The following PPARG variants were observed in gnomAD, a reference collection of about 807,000 sequenced individuals.
PPARG encodes peroxisome proliferator-activated receptor gamma.
Under a neutral mutation model 39.2 loss-of-function variants are expected in PPARG, and 17 were observed. The ratio of observed to expected loss-of-function variants is 0.43; its 90% confidence interval spans 0.30 to 0.65. The LOEUF is 0.65. PPARG is among the 30% of genes least tolerant of loss of function. The pLI, the probability that PPARG is intolerant of heterozygous loss-of-function variation, is 0.13. For missense variants in PPARG, 406 were observed against 585.9 expected (o/e 0.69, Z 3.17); for synonymous variants, 223 against 215.7 (o/e 1.03, Z -0.30).
At chr3:12,429,640 T>C (rs930775266) in intron 7 of PPARG, among the ~76,000 whole-genome samples, 3 of 150,500 alleles carry the variant, frequency 2.0e-5, no homozygotes, top group Non-Finnish European at 1.5e-5. Flanking sequence ...AGCAGAGGCC[T>C]AGCCCAGGCT....
At chr3:12,342,104 G>A (rs771046622) in intron 2 of PPARG, among the ~76,000 whole-genome samples, 101 of 152,318 alleles carry the variant, frequency 6.6e-4, no homozygotes, top group Non-Finnish European at 1.1e-3. Context: ...GCCTTCTGAT[G>A]TGATGGAATA....
Position 12,348,898 on chromosome 3 carries a change from G to A in PPARG, c.-8-30806G>A, listed in dbSNP as rs141939380. 6.6e-5 allele frequency among the ~76,000 whole-genome samples: 10 copies of A among 152,258 alleles called. No individual in the cohort carries two copies. In the East Asian group the frequency reaches 1.9e-3, roughly 29 times the overall value. ...AGCATGCTGTTTTATGTATCTTATTGTAATATCCTTCCAATCAGTATTATA... is the reference window on the plus strand; with the variant it reads ...AGCATGCTGTTTTATGTATCTTATTATAATATCCTTCCAATCAGTATTATA... On this transcript the variant is annotated intron_variant, in intron 2 of 7. Transcript: ENST00000651735.
chr3:12,368,373 G>A (rs1265915898), intron 2 of PPARG, among the ~76,000 whole-genome samples: 1 of 151,394 alleles, frequency 6.6e-6, no homozygotes, highest in Admixed American at 6.6e-5. Flanking sequence ...GTAGAGACAG[G>A]GTTTCACCAT....
At chr3:12,315,410 G>T (rs190557184) in intron 2 of PPARG, among the ~76,000 whole-genome samples, 1 of 152,170 alleles carries the variant, frequency 6.6e-6, no homozygotes, top group African/African-American at 2.4e-5. Flanking sequence ...ATTGTGCTGG[G>T]ACTGCACTGT....
intron 1 of PPARG, among the ~76,000 whole-genome samples, chr3:12,304,243 G>A (rs1021552743): frequency 1.4e-4 from 21 of 152,322 alleles, no homozygotes; most frequent in African/African-American, 4.1e-4. Flanking sequence ...GGTTGAATAA[G>A]ACCAGGCGTG....
chr3:12,332,166 A>G (rs1175785271), intron 2 of PPARG, among the ~76,000 whole-genome samples: 1 of 152,206 alleles, frequency 6.6e-6, no homozygotes, highest in East Asian at 1.9e-4. Flanking sequence ...AACTAAATTT[A>G]AATTTCTGCT....
intron 2 of PPARG, among the ~76,000 whole-genome samples, chr3:12,338,055 A>G (rs2048064949): frequency 6.6e-6 from 1 of 152,190 alleles, no homozygotes; most frequent in Admixed American, 6.5e-5. Flanking sequence ...AGTTAGCTAA[A>G]ACATTTCACT....
chr3:12,384,272 A>G (rs1286534310), intron 4 of PPARG, among the ~76,000 whole-genome samples: 1 of 152,186 alleles, frequency 6.6e-6, no homozygotes, highest in Non-Finnish European at 1.5e-5. Flanking sequence ...TGAATAAAAT[A>G]GCATTTATTG....
At chr3:12,415,806 G>C (rs141579087) in intron 6 of PPARG, among the ~76,000 whole-genome samples, 344 of 152,094 alleles carry the variant, frequency 2.3e-3, no homozygotes, top group Admixed American at 0.016. Context: ...TCTGCTTTCC[G>C]AGTGATTTTT....
chr3:12,409,410 T>C (rs2050794596), intron 6 of PPARG, among the ~76,000 whole-genome samples: 1 of 123,066 alleles, frequency 8.1e-6, no homozygotes, highest in African/African-American at 2.6e-5. Flanking sequence ...GAGAGGAATA[T>C]GGGAAAGGAA....
intron 4 of PPARG, among the ~76,000 whole-genome samples, chr3:12,388,423 A>C (rs1233685990): frequency 6.6e-6 from 1 of 152,200 alleles, no homozygotes; most frequent in Non-Finnish European, 1.5e-5. Context: ...AGTGGTGAGC[A>C]TTGCCCCAAA....
At chr3:12,314,615 C>T (rs1251034829) in intron 2 of PPARG, among the ~76,000 whole-genome samples, 1 of 152,082 alleles carries the variant, frequency 6.6e-6, no homozygotes, top group Non-Finnish European at 1.5e-5. Flanking sequence ...CTGACCCTCG[C>T]CGTTCAACAG....
chr3:12,343,865 T>G (rs868506648), intron 2 of PPARG, among the ~76,000 whole-genome samples: 47 of 143,998 alleles, frequency 3.3e-4, no homozygotes, highest in Non-Finnish European at 3.6e-4. Context: ...CACCGAATTT[T>G]TTTTTTTTTT....
intron 5 of PPARG, among the ~76,000 whole-genome samples, chr3:12,404,375 G>A (rs1303690386): frequency 6.6e-6 from 1 of 152,216 alleles, no homozygotes; most frequent in Non-Finnish European, 1.5e-5. Context: ...TTATGAATTT[G>A]AGACTCAAGG....
intron 1 of PPARG, among the ~76,000 whole-genome samples, chr3:12,291,479 T>C (rs1339924799): frequency 6.6e-6 from 1 of 152,208 alleles, no homozygotes; most frequent in Non-Finnish European, 1.5e-5. Flanking sequence ...TCTTACTTAC[T>C]GTTTGCGTTT....
At chr3:12,403,098 G>C (rs896626219) in intron 5 of PPARG, among the ~76,000 whole-genome samples, 8 of 151,976 alleles carry the variant, frequency 5.3e-5, no homozygotes, top group African/African-American at 1.9e-4. Context: ...TTCGAGACCA[G>C]CCTGGGCAAC....
At chr3:12,341,094 A>C (rs2048169832) in intron 2 of PPARG, among the ~76,000 whole-genome samples, 1 of 152,090 alleles carries the variant, frequency 6.6e-6, no homozygotes, top group South Asian at 2.1e-4. Context: ...GAGGCAGAAG[A>C]ATCGCTTGAA....
intron 1 of PPARG, among the ~76,000 whole-genome samples, chr3:12,295,354 G>A (rs1264164128): frequency 6.6e-6 from 1 of 152,084 alleles, no homozygotes; most frequent in Non-Finnish European, 1.5e-5. Context: ...CATATGTCAA[G>A]TATAATCCAG....
intron 1 of PPARG, among the ~76,000 whole-genome samples, chr3:12,298,989 C>G (rs1187227161): frequency 6.6e-6 from 1 of 152,080 alleles, no homozygotes; most frequent in Non-Finnish European, 1.5e-5. Flanking sequence ...GTGTGAGCCA[C>G]TACACCCAGC....
Sources: allele counts gnomAD v4.1 joint callset (sites outside exome capture counted in the v4.1 genomes callset), GRCh38; gene constraint gnomAD v4.1.1; transcripts MANE v1.5; gene names NCBI Gene and HGNC (gene_info 2026-07-23, HGNC 2026-07-21).